VPREB3: variants seen among roughly 807,000 people sequenced by gnomAD.
VPREB3 encodes the protein pre-B lymphocyte protein 3.
In VPREB3, 14 loss-of-function variants were observed where a neutral mutation model predicts 12.9. The observed-to-expected ratio is 1.09, with a 90% confidence interval of 0.72 to 1.70. The LOEUF is 1.70. VPREB3 is among the 40% of genes most tolerant of loss of function. The pLI, the probability that VPREB3 is intolerant of heterozygous loss-of-function variation, is 0.00. For missense variants in VPREB3, 165 were observed against 159.6 expected, an observed-to-expected ratio of 1.03 and a Z score of -0.18; for synonymous variants, 78 against 70.1, an observed-to-expected ratio of 1.11 and a Z score of -0.56.
rs1218844204 is a variant in VPREB3 at position 23,752,830 on chromosome 22, G to A, written c.*46C>T. On this transcript the variant is annotated 3_prime_UTR_variant, in exon 2 of 2. Coordinates refer to ENST00000248948, the MANE Select transcript of VPREB3 (RefSeq NM_013378.3). Reference sequence around the variant, plus strand: ...GTTTAAAAGGGACCCAAGGTCAGGGGCAGAAATGGGAGGCAGAGGGGAGGC... The same window carrying A: ...GTTTAAAAGGGACCCAAGGTCAGGGACAGAAATGGGAGGCAGAGGGGAGGC... 10 of 1,564,574 alleles carry A rather than the reference G, an allele frequency of 6.4e-6. No homozygotes were observed. In the South Asian group the frequency reaches 7.1e-5, roughly 11 times the overall value.
intron 1 of VPREB3, among the ~76,000 whole-genome samples, chr22:23,754,044 G>A (rs548378493): frequency 7.2e-5 from 11 of 152,164 alleles, no homozygotes; most frequent in African/African-American, 2.7e-4. Context: ...TTAGCCAGGC[G>A]TGGTGGCGCA....
At chr22:23,753,820 C>G (rs1601326321) in intron 1 of VPREB3, among the ~76,000 whole-genome samples, 1 of 152,144 alleles carries the variant, frequency 6.6e-6, no homozygotes, top group East Asian at 1.9e-4. Context: ...AAAACCAAGG[C>G]CCACACAGGG....
intron 1 of VPREB3, 32 bp downstream of exon 1, chr22:23,754,283 A>T (rs1925447317): frequency 6.3e-7 from 1 of 1,580,210 alleles, no homozygotes; most frequent in Non-Finnish European, 8.6e-7. Context: ...CCCACCCCAC[A>T]CCCAGGTGAC....
At chr22:23,754,182 C>CA (rs58473615) in intron 1 of VPREB3, 133 bp downstream of exon 1, 42,196 of 766,690 alleles carry the variant, frequency 0.055, 40 homozygotes, top group Middle Eastern at 0.065. Flanking sequence ...AACTCCGTCT[C>CA]AAAAAAAAAA....
chr22:23,752,960 A>C lies in VPREB3; in HGVS notation c.288T>G (p.Asn96Lys). 1 of 1,614,100 alleles carries C rather than the reference A, an allele frequency of 6.2e-7. No individual in the cohort carries two copies. The highest frequency in any genetic ancestry group is 8.5e-7 in the Non-Finnish European group (1 of 1,180,000). Residue 96 changes from asparagine to lysine, a missense_variant, in exon 2 of 2, where the codon AAT (asparagine) becomes AAG (lysine). Transcript: ENST00000248948. ...RFSAAKDEAHNACVLTISPVQ... is the reference protein window; with the variant it reads ...RFSAAKDEAHKACVLTISPVQ... ...CGGGACTAATGGTGAGGACACAGGCATTGTGGGCCTCATCCTTGGCTGCCG... is the reference window on the plus strand; with the variant it reads ...CGGGACTAATGGTGAGGACACAGGCCTTGTGGGCCTCATCCTTGGCTGCCG...
At position 23,752,771 on chromosome 22, in the gene VPREB3, C is replaced by T; in HGVS notation, c.*105G>A. On this transcript the variant is annotated 3_prime_UTR_variant, in exon 2 of 2. Coordinates refer to ENST00000248948, the MANE Select transcript of VPREB3 (RefSeq NM_013378.3). ...TGTTGACATGTTGAATATTATTAAC[C>T]CATTTTACAGAGGGGAAGCAAGGCT... 1 of 1,077,704 alleles carries T rather than the reference C, an allele frequency of 9.3e-7. No homozygotes were observed. The highest frequency in any genetic ancestry group is 1.6e-5 in the South Asian group (1 of 64,264). The allele number at this position is 1,077,704 out of a possible 1,614,324, so 66.8% of individuals were successfully genotyped here.
At position 23,753,202 on chromosome 22, in the gene VPREB3, C is replaced by T. The variant is rs761389520; in HGVS notation, c.50-4G>A. The T allele has an allele frequency of 5.4e-5, 85 of 1,579,598 alleles. No individual in the cohort carries two copies. Among genetic ancestry groups the T allele is most frequent in the South Asian group, 1.4e-4 (12 of 86,758 alleles). ...TGGGCCAGGACTGTCTGGGAAACTG[C>T]GAGACACAAACCCACTCAGCCTGAG... is the stretch of plus-strand genomic sequence containing the variant. On this transcript the variant is annotated splice_polypyrimidine_tract_variant and splice_region_variant and intron_variant, in intron 1 of 1. Transcript: ENST00000248948.
intron 1 of VPREB3, among the ~76,000 whole-genome samples, chr22:23,753,846 GGTCAAGGGCAGAGCT>G (rs1415512026): frequency 6.6e-6 from 1 of 152,208 alleles, no homozygotes; most frequent in African/African-American, 2.4e-5. Flanking sequence ...ATTTGCCCCA[GGTCAAGGGCAGAGCT>G]GTCTGAAGCC....
rs568716680 is a variant in VPREB3 at position 23,754,177 on chromosome 22, C to T, written c.49+138G>A. 4.2e-4 allele frequency: 354 copies of T among 833,472 alleles called. 4 individuals are homozygous for T. In the South Asian group the frequency reaches 5.5e-3, roughly 13 times the overall value. 51.6% of individuals were successfully genotyped at this position (833,472 alleles called of 1,614,324 possible). ...AGCCTGGGCAACAAGAGCAAAACTC[C>T]GTCTCAAAAAAAAAAAAAATACCCC... On this transcript the variant is annotated intron_variant, in intron 1 of 1. Coordinates refer to ENST00000248948, the MANE Select transcript of VPREB3 (RefSeq NM_013378.3).
chr22:23,752,904 C>T lies in VPREB3; in HGVS notation c.344G>A (p.Cys115Tyr), dbSNP rs1286292870. 1 of 1,613,966 alleles carries T rather than the reference C, an allele frequency of 6.2e-7. No individual in the cohort carries two copies. Residue 115 changes from cysteine (C) to tyrosine (Y), a missense_variant, in exon 2 of 2, where the codon TGC becomes TAC. Cys to Tyr is a radical substitution (Grantham distance 194). Transcript: ENST00000248948. ...GGGACTAAAGCCGTAGCCAACAGAG[C>T]AGTAGTAATCCGCGTCGTCTTCAGG... ...VQPEDDADYY[C>Y]SVGYGFSP
In VPREB3 at chr22:23,752,860, A is replaced by G. The variant is rs797016412; in HGVS notation, c.*16T>C. 11 of 1,595,740 alleles carry G rather than the reference A, an allele frequency of 6.9e-6. No individual in the cohort carries two copies. Among genetic ancestry groups the G allele is most frequent in the African/African-American group, 1.3e-5 (1 of 74,760 alleles). ...AATGGGAGGCAGAGGGGAGGCACCC[A>G]TCTCACACCCCACCCCTAGGGACTA... On this transcript the variant is annotated 3_prime_UTR_variant, in exon 2 of 2. Transcript: ENST00000248948.
In VPREB3 at chr22:23,752,877, T is replaced by C; in HGVS notation, c.371A>G (p.Ter124TrpextTer23). ...YCSVGYGFSP[*>W] ...AGGCACCCATCTCACACCCCACCCC[T>C]AGGGACTAAAGCCGTAGCCAACAGA... Residue 124 changes from the stop codon to tryptophan (W), a stop_lost, in exon 2 of 2, where the codon TAG becomes TGG. Transcript: ENST00000248948. 6.2e-7 allele frequency: 1 copy of C among 1,607,586 alleles called. No individual in the cohort carries two copies. Among genetic ancestry groups the C allele is most frequent in the Non-Finnish European group, 8.5e-7 (1 of 1,174,994 alleles).
Position 23,752,954 on chromosome 22 carries a change from A to C in VPREB3, c.294T>G (p.Cys98Trp), listed in dbSNP as rs1925405239. 1 of 1,614,042 alleles carries C rather than the reference A, an allele frequency of 6.2e-7. No individual in the cohort carries two copies. Among genetic ancestry groups the C allele is most frequent in the Admixed American group, 1.7e-5 (1 of 60,004 alleles). The part of the protein sequence containing the change: ...SAAKDEAHNA[C>W]VLTISPVQPE... ...GCTGCACGGGACTAATGGTGAGGAC[A>C]CAGGCATTGTGGGCCTCATCCTTGG... The change falls in exon 2 of 2, where the codon TGT becomes TGG. Residue 98 changes from cysteine to tryptophan, a missense_variant. Cys to Trp is a radical substitution (Grantham distance 215). Transcript: ENST00000248948.
At chr22:23,753,248 C>T in intron 1 of VPREB3, 50 bp from the exon 2 acceptor site, 3 of 1,507,570 alleles carry the variant, frequency 2.0e-6, no homozygotes, top group East Asian at 2.5e-5. Flanking sequence ...CCCACCCCTG[C>T]CCTGTGAAGG....
chr22:23,752,886 A>T lies in VPREB3; in HGVS notation c.362T>A (p.Phe121Tyr), dbSNP rs1355948241. Residue 121 changes from phenylalanine (F) to tyrosine (Y), a missense_variant, in exon 2 of 2, where the codon TTT (phenylalanine) becomes TAT (tyrosine). By Grantham distance (22) the Phe-to-Tyr change is conservative. Coordinates refer to ENST00000248948, the MANE Select transcript of VPREB3 (RefSeq NM_013378.3). ...TCTCACACCCCACCCCTAGGGACTA[A>T]AGCCGTAGCCAACAGAGCAGTAGTA... ...ADYYCSVGYG[F>Y]SP is the part of the protein sequence containing the mutation. The T allele has an allele frequency of 6.2e-7, 1 of 1,611,110 alleles. No individual in the cohort carries two copies. The highest frequency in any genetic ancestry group is 8.5e-7 in the Non-Finnish European group (1 of 1,177,596).
rs1925414541 is a variant in VPREB3, at chr22:23,753,118, G to A, written c.130C>T (p.Pro44Ser). The change falls in exon 2 of 2, where the codon CCC (proline) becomes TCC (serine). Residue 44 changes from proline (P) to serine (S), a missense_variant. Transcript: ENST00000248948. ...TAGTCCCTGATGGTGACGTGCTGGG[G>A]GCTGAGCGTGCAGGAGAGTTGAGCC... ...QVAQLSCTLS[P>S]QHVTIRDYGV... The A allele has an allele frequency of 3.7e-6, 6 of 1,613,784 alleles. No homozygotes were observed. The highest frequency in any genetic ancestry group is 5.1e-6 in the Non-Finnish European group (6 of 1,179,884).
Position 23,753,163 on chromosome 22 carries a change from G to T in VPREB3, c.85C>A (p.Leu29Met), listed in dbSNP as rs201759556. The T allele has an allele frequency of 6.2e-7, 1 of 1,609,440 alleles. No homozygotes were observed. The highest frequency in any genetic ancestry group is 8.5e-7 in the Non-Finnish European group (1 of 1,178,022). Residue 29 changes from leucine to methionine, a missense_variant, in exon 2 of 2, where the codon CTG becomes ATG. Leu to Met is a conservative substitution (Grantham distance 15). Coordinates refer to ENST00000248948, the MANE Select transcript of VPREB3 (RefSeq NM_013378.3). ...TGAGCCACTTGGCCTGGGAAGACCAGCAGTGCATCCAGCTGGGCCAGGACT... is the reference window on the plus strand; with the variant it reads ...TGAGCCACTTGGCCTGGGAAGACCATCAGTGCATCCAGCTGGGCCAGGACT... ...QTVLAQLDAL[L>M]VFPGQVAQLS...
rs1463821662 is a variant in VPREB3, at chr22:23,752,878, A to G, written c.370T>C (p.Ter124GlnextTer23). 6 of 1,607,582 alleles carry G rather than the reference A, an allele frequency of 3.7e-6. No homozygotes were observed. The African/African-American group carries it at 6.7e-5, about 18-fold the overall frequency. ...YCSVGYGFSP[*>Q] ...GGCACCCATCTCACACCCCACCCCT[A>G]GGGACTAAAGCCGTAGCCAACAGAG... The change falls in exon 2 of 2, where the codon TAG (stop) becomes CAG (glutamine). Residue 124 changes from the stop codon to glutamine (Q), a stop_lost. Transcript: ENST00000248948.
At chr22:23,753,269 C>G (rs562687788) in intron 1 of VPREB3, 71 bp from the exon 2 acceptor site, 2 of 1,446,602 alleles carry the variant, frequency 1.4e-6, no homozygotes, top group East Asian at 2.5e-5. Flanking sequence ...CTTGGTTGGA[C>G]TCCATGGAGA....
Sources: allele counts gnomAD v4.1 joint callset (sites outside exome capture counted in the v4.1 genomes callset), GRCh38; gene constraint gnomAD v4.1.1; transcripts MANE v1.5; gene names NCBI Gene and HGNC (gene_info 2026-07-23, HGNC 2026-07-21).